Variants in UNC80 observed in about 807,000 individuals in gnomAD.
The protein encoded by UNC80 is protein unc-80 homolog.
In UNC80, 164 loss-of-function variants were observed where a neutral mutation model predicts 384.6. The observed-to-expected ratio is 0.43, with a 90% CI of 0.38 to 0.49. UNC80 has a LOEUF of 0.49. UNC80 is among the 20% of genes least tolerant of loss of function. The probability of loss-of-function intolerance (pLI) is 0.00; values close to 1 mark genes in which losing one functional copy is unlikely to be tolerated. For synonymous variants in UNC80, 1,486 were observed against 1,527.8 expected (o/e 0.97, Z 0.64); for missense variants, 3,330 against 4,143.0 (o/e 0.80, Z 5.39).
chr2:209,909,663 G>A (rs1287709963), intron 29 of UNC80, among the ~76,000 whole-genome samples: 4 of 152,140 alleles, frequency 2.6e-5, no homozygotes, highest in Admixed American at 2.0e-4. Flanking sequence ...CACCACAAGT[G>A]ATAAATCCTT....
intron 61 of UNC80, among the ~76,000 whole-genome samples, chr2:209,986,816 C>T (rs2093299867): frequency 6.6e-6 from 1 of 152,202 alleles, no homozygotes; most frequent in Non-Finnish European, 1.5e-5. Flanking sequence ...TCTTGAACTA[C>T]ATCACGTCAC....
chr2:209,813,233 C>T (rs1198086505), intron 7 of UNC80, among the ~76,000 whole-genome samples: 2 of 152,168 alleles, frequency 1.3e-5, no homozygotes, highest in Admixed American at 6.5e-5. Flanking sequence ...AATTACTCAC[C>T]AATTACTTAG....
At chr2:209,808,736 C>A in intron 7 of UNC80, 3 of 225,284 alleles carry the variant, frequency 1.3e-5, no homozygotes, top group South Asian at 5.6e-5. Context: ...TGCTCCAAGG[C>A]TCGGCCTAGT....
In UNC80 at chr2:209,997,322, C is replaced by A. The variant is rs1383021490; in HGVS notation, c.*1727C>A. 11 of 152,100 alleles carry A rather than the reference C, an allele frequency of 7.2e-5. No individual in the cohort carries two copies. The highest frequency in any genetic ancestry group is 4.8e-5 in the African/African-American group (2 of 41,434). The allele number at this position is 152,100 out of a possible 1,614,324, so 9.4% of individuals were successfully genotyped here. A position where few individuals can be genotyped will look rare whatever the true frequency, so the allele number is the denominator to read the frequency against. Reference sequence around the variant, plus strand: ...TTAATGCTGAAATAATTCTCAAGTGCAGGAATATAAATGTTAAGTGGTTTT... The same window carrying A: ...TTAATGCTGAAATAATTCTCAAGTGAAGGAATATAAATGTTAAGTGGTTTT... On this transcript the variant is annotated 3_prime_UTR_variant, in exon 65 of 65. Transcript: ENST00000673920.
intron 24 of UNC80, 23 bp downstream of exon 24, chr2:209,878,112 A>G: frequency 6.6e-7 from 1 of 1,508,636 alleles, no homozygotes; most frequent in Non-Finnish European, 8.9e-7. Flanking sequence ...CCTTTACTAC[A>G]AGAACCCCTG....
At chr2:209,972,942 C>A (rs2092920964) in intron 55 of UNC80, 122 bp from the exon 56 acceptor site, 1 of 837,190 alleles carries the variant, frequency 1.2e-6, no homozygotes. Context: ...TGGGAAACAC[C>A]TGAATTTCTA....
At chr2:209,910,277 G>A (rs1412907782) in intron 29 of UNC80, among the ~76,000 whole-genome samples, 2 of 147,506 alleles carry the variant, frequency 1.4e-5, no homozygotes, top group Admixed American at 6.8e-5. Context: ...CTCTTCAAAG[G>A]ACCACTAGTA....
chr2:209,814,392 C>T (rs780329989), intron 8 of UNC80, among the ~76,000 whole-genome samples: 3 of 152,008 alleles, frequency 2.0e-5, no homozygotes, highest in Non-Finnish European at 4.4e-5. Context: ...TACAGGCGCC[C>T]GCCACCACAC....
chr2:209,774,820 G>A (rs1009488327), intron 2 of UNC80, among the ~76,000 whole-genome samples: 7 of 151,952 alleles, frequency 4.6e-5, no homozygotes, highest in African/African-American at 1.4e-4. Flanking sequence ...CAAAACCTCA[G>A]TGTGCCCTTC....
chr2:209,878,984 A>G (rs149985805), intron 24 of UNC80, among the ~76,000 whole-genome samples: 50 of 152,320 alleles, frequency 3.3e-4, no homozygotes, highest in Middle Eastern at 6.8e-3. Context: ...GGCAGGACTA[A>G]ATAAGAATCA....
chr2:209,873,898 G>A (rs1450629345), intron 23 of UNC80, among the ~76,000 whole-genome samples: 1 of 152,048 alleles, frequency 6.6e-6, no homozygotes, highest in Non-Finnish European at 1.5e-5. Flanking sequence ...TTCTGTATCA[G>A]TCTTTCCTTC....
chr2:209,926,965 G>A lies in UNC80; in HGVS notation c.5785G>A (p.Val1929Met). 6.4e-7 allele frequency: 1 copy of A among 1,552,046 alleles called. No individual in the cohort carries two copies. The highest frequency in any genetic ancestry group is 8.7e-7 in the Non-Finnish European group (1 of 1,147,016). Residue 1929 changes from valine to methionine, a missense_variant, in exon 36 of 65, where the codon GTG becomes ATG. Physicochemically the swap from Val to Met is conservative, Grantham distance 21. Coordinates refer to ENST00000673920, the MANE Select transcript of UNC80 (RefSeq NM_001371986.1). ...PIVHLMEDGE[V>M]REDGVAVSAV... ...TGTTCATCTGATGGAGGATGGTGAGGTGCGGGAAGATGGAGTAGCAGGTAC... is the reference window on the plus strand; with the variant it reads ...TGTTCATCTGATGGAGGATGGTGAGATGCGGGAAGATGGAGTAGCAGGTAC...
intron 30 of UNC80, among the ~76,000 whole-genome samples, chr2:209,913,065 A>G (rs1202597690): frequency 1.3e-5 from 2 of 152,184 alleles, no homozygotes; most frequent in Non-Finnish European, 2.9e-5. Context: ...TAGTCACCTC[A>G]TTTATAAAAT....
chr2:209,895,493 G>A (rs1253309631), intron 27 of UNC80, among the ~76,000 whole-genome samples: 1 of 152,134 alleles, frequency 6.6e-6, no homozygotes, highest in Admixed American at 6.6e-5. Flanking sequence ...TTCTTAAGGA[G>A]ACTTTTTTTT....
At chr2:209,882,918 A>G (rs1423057467) in intron 25 of UNC80, among the ~76,000 whole-genome samples, 3 of 152,182 alleles carry the variant, frequency 2.0e-5, no homozygotes, top group Non-Finnish European at 2.9e-5. Flanking sequence ...GATCAATCAA[A>G]TCTTCTAAAT....
chr2:209,940,168 C>A (rs1221222900), intron 43 of UNC80, among the ~76,000 whole-genome samples: 8 of 151,880 alleles, frequency 5.3e-5, no homozygotes, highest in Non-Finnish European at 1.5e-5. Flanking sequence ...TAAACAAAGA[C>A]CGGGTATTTG....
At chr2:209,837,097 A>G (rs533777222) in intron 18 of UNC80, among the ~76,000 whole-genome samples, 123 of 151,562 alleles carry the variant, frequency 8.1e-4, no homozygotes, top group African/African-American at 2.8e-3. Context: ...GGTAAACAGA[A>G]TACCCTATTT....
chr2:209,798,887 T>C (rs2078348341), intron 7 of UNC80, among the ~76,000 whole-genome samples: 1 of 148,424 alleles, frequency 6.7e-6, no homozygotes, highest in Admixed American at 6.7e-5. Context: ...GGTTTCACTG[T>C]GTTAGCCAGG....
intron 21 of UNC80, among the ~76,000 whole-genome samples, chr2:209,846,774 A>C (rs1412596578): frequency 6.6e-6 from 1 of 152,122 alleles, no homozygotes; most frequent in African/African-American, 2.4e-5. Context: ...CTTACATCCT[A>C]GTGTATTGCT....
Sources: gnomAD v4.1 joint callset for allele counts (sites outside exome capture counted in the v4.1 genomes callset) on GRCh38, gnomAD v4.1.1 for gene constraint, MANE v1.5 for transcripts, NCBI Gene and HGNC (gene_info 2026-07-23, HGNC 2026-07-21) for gene names.